RIPK3: variants seen among roughly 807,000 people sequenced by gnomAD.
RIPK3 encodes the protein receptor interacting serine/threonine kinase 3, also known as receptor-interacting serine/threonine-protein kinase 3.
RIPK3 carries 51 observed loss-of-function variants against 51.6 expected under a neutral mutation model. That is an observed-to-expected ratio of 0.99 (90% CI 0.79 to 1.25). The LOEUF is 1.25. Among genes scored for constraint, RIPK3 ranks in the 50% most tolerant of loss-of-function variants. The pLI, the probability that RIPK3 is intolerant of heterozygous loss-of-function variation, is 0.00. For missense variants in RIPK3, 654 were observed against 650.4 expected (o/e 1.01, Z -0.06); for synonymous variants, 246 against 257.7 (o/e 0.95, Z 0.44).
Position 24,337,261 on chromosome 14 carries a change from C to T in RIPK3, c.1100G>A (p.Ser367Asn), listed in dbSNP as rs1233444560. Residue 367 changes from serine to asparagine, a missense_variant, in exon 8 of 10, where the codon AGC becomes AAC. Ser to Asn is a conservative substitution (Grantham distance 46). Coordinates refer to ENST00000216274, the MANE Select transcript of RIPK3 (RefSeq NM_006871.4). ...TTGTGCCCTGCTCCTCTTGGTAAGG[C>T]TCGGGCATTTTTTAGGAACAGAGCT... ...PPSSVPKKCP[S>N]LTKRSRAQEE... The T allele has an allele frequency of 6.2e-7, 1 of 1,614,078 alleles. No homozygotes were observed. The highest frequency in any genetic ancestry group is 2.2e-5 in the East Asian group (1 of 44,888).
chr14:24,338,017 A>G lies in RIPK3; in HGVS notation c.688T>C (p.Tyr230His), dbSNP rs757463085. 132 of 1,614,072 alleles carry G rather than the reference A, an allele frequency of 8.2e-5. No homozygotes were observed. The highest frequency in any genetic ancestry group is 1.7e-4 in the Admixed American group (10 of 60,018). The change falls in exon 6 of 10, where the codon TAC becomes CAC. Residue 230 changes from tyrosine to histidine, a missense_variant. Transcript: ENST00000216274. Reference protein sequence around the residue: ...VELPTEPSLVYEAVCNRQNRP... With the variant: ...VELPTEPSLVHEAVCNRQNRP... ...TTCTGCCTGTTGCACACTGCTTCGT[A>G]CACGAGTGATGGTTCGGTTGGCACT...
At chr14:24,336,820 A>AGGTCTGGAGGAGG (rs764492107) in intron 9 of RIPK3, 65 bp downstream of exon 9, 11 of 1,337,552 alleles carry the variant, frequency 8.2e-6, no homozygotes, top group Non-Finnish European at 1.2e-5. Flanking sequence ...ATCTAGATAT[A>AGGTCTGGAGGAGG]GGTCTGGAGG....
rs771264079 is a variant in RIPK3, at chr14:24,338,466, A to C, written c.573T>G (p.Phe191Leu). Residue 191 changes from phenylalanine to leucine, a missense_variant, in exon 4 of 10, where the codon TTT (phenylalanine) becomes TTG (leucine). Coordinates refer to ENST00000216274, the MANE Select transcript of RIPK3 (RefSeq NM_006871.4). ...GTLGYLAPEL[F>L]VNVNRKASTA... is the part of the protein sequence containing the mutation. ...TGGAGGCCTTCCGGTTTACGTTAAC[A>C]AACAGTTCTGGGGCCAAGTAGCCCA... The C allele has an allele frequency of 7.4e-6, 12 of 1,613,716 alleles. No individual in the cohort carries two copies. Among genetic ancestry groups the C allele is most frequent in the Middle Eastern group, 3.3e-4 (2 of 6,080 alleles).
At chr14:24,338,952 G>A (rs760312244) in intron 3 of RIPK3, 63 bp downstream of exon 3, 11 of 1,329,340 alleles carry the variant, frequency 8.3e-6, no homozygotes, top group African/African-American at 5.8e-5. Flanking sequence ...AGTGTCCGGC[G>A]GGCCTGGCTG....
chr14:24,337,629 A>G, intron 7 of RIPK3, 66 bp downstream of exon 7: 1 of 1,541,378 alleles, frequency 6.5e-7, no homozygotes. Context: ...GAGTCATTGG[A>G]TGGCCAGGTA....
At chr14:24,338,625 A>T (rs2042159353) in intron 3 of RIPK3, 58 bp from the exon 4 acceptor site, 1 of 1,545,966 alleles carries the variant, frequency 6.5e-7, no homozygotes, top group Non-Finnish European at 8.7e-7. Context: ...GAGAGCCTCC[A>T]GGAACCCCCC....
Position 24,339,546 on chromosome 14 carries a change from C to G in RIPK3, c.72G>C (p.Gln24His), listed in dbSNP as rs2042169645. ...CGAACCCGCCTTTGCCGACGAGCTCCTGGTTCTCCAGTTCCTCGATGGACA... is the reference window on the plus strand; with the variant it reads ...CGAACCCGCCTTTGCCGACGAGCTCGTGGTTCTCCAGTTCCTCGATGGACA... ...PLVSIEELEN[Q>H]ELVGKGGFGT... Residue 24 changes from glutamine (Q) to histidine (H), a missense_variant, in exon 2 of 10, where the codon CAG (glutamine) becomes CAC (histidine). Transcript: ENST00000216274. The surrounding 1 kb of genome is among the most constrained non-coding windows in gnomAD (Gnocchi z 4.0). 3.1e-6 allele frequency: 5 copies of G among 1,614,178 alleles called. No individual in the cohort carries two copies. In the East Asian group the frequency reaches 1.1e-4, roughly 36 times the overall value.
Position 24,337,854 on chromosome 14 carries a change from A to T in RIPK3, c.832+19T>A. ...ACAGACCCAAGCTTATCCTAGATCC[A>T]GCTAACTGGCCAGCTCACCCTGGAA... On this transcript the variant is annotated intron_variant, in intron 6 of 9. Coordinates refer to ENST00000216274, the MANE Select transcript of RIPK3 (RefSeq NM_006871.4). The T allele has an allele frequency of 6.2e-7, 1 of 1,613,600 alleles. No homozygotes were observed. The highest frequency in any genetic ancestry group is 8.5e-7 in the Non-Finnish European group (1 of 1,179,540).
At position 24,338,413 on chromosome 14, in the gene RIPK3, G is replaced by A. The variant is rs759543243; in HGVS notation, c.617+9C>T. 1.2e-6 allele frequency: 2 copies of A among 1,606,042 alleles called. No individual in the cohort carries two copies. Among genetic ancestry groups the A allele is most frequent in the Admixed American group, 1.7e-5 (1 of 59,580 alleles). On this transcript the variant is annotated intron_variant, in intron 4 of 9. Coordinates refer to ENST00000216274, the MANE Select transcript of RIPK3 (RefSeq NM_006871.4). Reference sequence around the variant, plus strand: ...AATCCTGGCTGTGTGTTTGGGCCGGGATCCTTACCTGTAGACGTCACTGGC... The same window carrying A: ...AATCCTGGCTGTGTGTTTGGGCCGGAATCCTTACCTGTAGACGTCACTGGC...
Position 24,339,843 on chromosome 14 carries a change from AG to A in RIPK3, c.-18del. On this transcript the variant is annotated 5_prime_UTR_variant, in exon 1 of 10. Transcript: ENST00000216274. This position sits in a 1 kb window ranked among gnomAD's most constrained non-coding sequence, Gnocchi z 4.0. ...GCACGACATCAGGCTGGAAGGTGCCAGGGGGCCTCTGGAAATTGCGAGCCGT... is the reference window on the plus strand; with the variant it reads ...GCACGACATCAGGCTGGAAGGTGCCAGGGGCCTCTGGAAATTGCGAGCCGT... 6.4e-7 allele frequency: 1 copy of A among 1,554,456 alleles called. No homozygotes were observed. The highest frequency in any genetic ancestry group is 8.7e-7 in the Non-Finnish European group (1 of 1,155,278).
In RIPK3 at chr14:24,339,400, C is replaced by T. The variant is rs533207522; in HGVS notation, c.161+57G>A. 65 of 1,613,242 alleles carry T rather than the reference C, an allele frequency of 4.0e-5. 1 individual carries two copies. In the South Asian group the frequency reaches 6.8e-4, roughly 17 times the overall value. ...TCCCTTCGCCATTCAGGCCCCAGAGCACAGTGGCTCCACCTTTTTGGCCAG... is the reference window on the plus strand; with the variant it reads ...TCCCTTCGCCATTCAGGCCCCAGAGTACAGTGGCTCCACCTTTTTGGCCAG... On this transcript the variant is annotated intron_variant, in intron 2 of 9. Coordinates refer to ENST00000216274, the MANE Select transcript of RIPK3 (RefSeq NM_006871.4). The surrounding 1 kb of genome is among the most constrained non-coding windows in gnomAD (Gnocchi z 4.0).
intron 8 of RIPK3, 36 bp downstream of exon 8, chr14:24,337,050 C>T: frequency 6.2e-7 from 1 of 1,610,236 alleles, no homozygotes; most frequent in Non-Finnish European, 8.5e-7. Flanking sequence ...ATTTATAGGA[C>T]TCTTAGTGCA....
rs1262318305 is a variant in RIPK3 at position 24,339,166 on chromosome 14, T to C, written c.320A>G (p.Gln107Arg). ...CGGCCAGGGCCGAGGGCACTGGGAC[T>C]GCAGCAGCCCCGACAAGGAGCCGTT... ...MENGSLSGLL[Q>R]SQCPRPWPLL... The change falls in exon 3 of 10, where the codon CAG becomes CGG. Residue 107 changes from glutamine (Q) to arginine (R), a missense_variant. Physicochemically the swap from Gln to Arg is conservative, Grantham distance 43 (BLOSUM62 1). Coordinates refer to ENST00000216274, the MANE Select transcript of RIPK3 (RefSeq NM_006871.4). The surrounding 1 kb of genome is among the most constrained non-coding windows in gnomAD (Gnocchi z 4.0). 2 of 1,614,262 alleles carry C rather than the reference T, an allele frequency of 1.2e-6. No individual in the cohort carries two copies. The highest frequency in any genetic ancestry group is 8.5e-7 in the Non-Finnish European group (1 of 1,180,038).
At position 24,336,542 on chromosome 14, in the gene RIPK3, T is replaced by C. The variant is rs898475482; in HGVS notation, c.1337-147A>G. The C allele has an allele frequency of 3.6e-5, 42 of 1,170,432 alleles. No homozygotes were observed. In the African/African-American group the frequency reaches 5.1e-4, roughly 14 times the overall value. The allele number at this position is 1,170,432 out of a possible 1,614,324, so 72.5% of individuals were successfully genotyped here. A position where few individuals can be genotyped will look rare whatever the true frequency, so the allele number is the denominator to read the frequency against. On this transcript the variant is annotated intron_variant, in intron 9 of 9. Transcript: ENST00000216274. ...CTCCCCTCAGAGCTCCTCTCCAGAATTGTGTTAGCAGAAGCTCTAGAGAGT... is the reference window on the plus strand; with the variant it reads ...CTCCCCTCAGAGCTCCTCTCCAGAACTGTGTTAGCAGAAGCTCTAGAGAGT...
intron 7 of RIPK3, 82 bp from the exon 8 acceptor site, chr14:24,337,542 C>G: frequency 6.2e-7 from 1 of 1,610,808 alleles, no homozygotes; most frequent in Admixed American, 1.7e-5. Flanking sequence ...GGTCCATAAT[C>G]TGTTGTCTGG....
chr14:24,339,338 G>C lies in RIPK3; in HGVS notation c.162-14C>G. ...GATATCGCCTTCCTACACTCCAGGA[G>C]AGAGCTGGAGTCGCACCGGGGTCGT... On this transcript the variant is annotated splice_polypyrimidine_tract_variant and intron_variant, in intron 2 of 9. Coordinates refer to ENST00000216274, the MANE Select transcript of RIPK3 (RefSeq NM_006871.4). The surrounding 1 kb of genome is among the most constrained non-coding windows in gnomAD (Gnocchi z 4.0). 2 of 1,609,180 alleles carry C rather than the reference G, an allele frequency of 1.2e-6. No individual in the cohort carries two copies. Among genetic ancestry groups the C allele is most frequent in the Non-Finnish European group, 1.7e-6 (2 of 1,176,316 alleles).
chr14:24,339,397 G>C lies in RIPK3; in HGVS notation c.161+60C>G. ...CCCTCCCTTCGCCATTCAGGCCCCA[G>C]AGCACAGTGGCTCCACCTTTTTGGC... On this transcript the variant is annotated intron_variant, in intron 2 of 9. Coordinates refer to ENST00000216274, the MANE Select transcript of RIPK3 (RefSeq NM_006871.4). This position sits in a 1 kb window ranked among gnomAD's most constrained non-coding sequence, Gnocchi z 4.0. 1 of 1,613,132 alleles carries C rather than the reference G, an allele frequency of 6.2e-7. No homozygotes were observed. Among genetic ancestry groups the C allele is most frequent in the East Asian group, 2.2e-5 (1 of 44,868 alleles).
chr14:24,339,958 G>A lies in RIPK3; in HGVS notation c.-132C>T, dbSNP rs2042173941. 9.7e-6 allele frequency: 9 copies of A among 930,558 alleles called. No homozygotes were observed. The Admixed American group carries it at 2.5e-4, about 26-fold the overall frequency. The allele number at this position is 930,558 out of a possible 1,614,324, so 57.6% of individuals were successfully genotyped here. A position where few individuals can be genotyped will look rare whatever the true frequency, so the allele number is the denominator to read the frequency against. ...AGGGGTCAGTCTCTAGACCAAGACG[G>A]TGAGTCTACTTTCCGGGTTGTTACC... On this transcript the variant is annotated 5_prime_UTR_variant, in exon 1 of 10. Transcript: ENST00000216274. This position sits in a 1 kb window ranked among gnomAD's most constrained non-coding sequence, Gnocchi z 4.0.
chr14:24,338,962 G>A (rs3181248), intron 3 of RIPK3, 53 bp downstream of exon 3: 769,131 of 1,451,970 alleles, frequency 0.53, 215,735 homozygotes, highest in Non-Finnish European at 0.59. Flanking sequence ...GGGCCTGGCT[G>A]GAGCAGCTCT....
Sources: allele counts gnomAD v4.1 joint callset, GRCh38; gene constraint gnomAD v4.1.1; non-coding constraint Gnocchi (gnomAD v3.1); transcripts MANE v1.5; gene names NCBI Gene and HGNC (gene_info 2026-07-23, HGNC 2026-07-21).